NRXN1: variants seen among roughly 807,000 people sequenced by gnomAD.
NRXN1 encodes the protein neurexin 1.
A neutral mutation model predicts 150.9 loss-of-function variants in NRXN1; 39 were observed. The ratio of observed to expected loss-of-function variants is 0.26; its 90% CI spans 0.20 to 0.34. The LOEUF (loss-of-function observed/expected upper bound fraction) is 0.34. Among genes scored for constraint, NRXN1 ranks in the 10% least tolerant of loss-of-function variants. NRXN1 has a pLI of 1.00. For missense variants in NRXN1, 1,815 were observed against 1,949.9 expected (o/e 0.93, Z 1.30); for synonymous variants, 924 against 757.0 (o/e 1.22, Z -3.62).
At chr2:50,600,815 T>G (rs558363591) in intron 8 of NRXN1, among the ~76,000 whole-genome samples, 4 of 152,334 alleles carry the variant, frequency 2.6e-5, no homozygotes, top group African/African-American at 9.6e-5. Flanking sequence ...ATTTGAGATA[T>G]GCTGGTAGAA....
intron 5 of NRXN1, among the ~76,000 whole-genome samples, chr2:50,658,530 C>T (rs1686836355): frequency 6.6e-6 from 1 of 151,410 alleles, no homozygotes; most frequent in African/African-American, 2.4e-5. Context: ...GTCACTTTTG[C>T]ACTCCACTTC....
At chr2:50,787,362 C>T (rs1047028646) in intron 5 of NRXN1, among the ~76,000 whole-genome samples, 3 of 151,914 alleles carry the variant, frequency 2.0e-5, no homozygotes, top group Non-Finnish European at 2.9e-5. Context: ...GAGTTCGAGA[C>T]CAGCCTTGAC....
chr2:50,552,531 C>A, intron 9 of NRXN1, 56 bp downstream of exon 9: 1 of 1,339,288 alleles, frequency 7.5e-7, no homozygotes, highest in Non-Finnish European at 1.1e-6. Context: ...TTAGGAATGG[C>A]ATGGGTGGGT....
At chr2:50,104,410 T>C (rs966405992) in intron 18 of NRXN1, among the ~76,000 whole-genome samples, 1 of 151,996 alleles carries the variant, frequency 6.6e-6, no homozygotes, top group Non-Finnish European at 1.5e-5. Context: ...AAGGTAAAAA[T>C]GCACTGAGAG....
chr2:50,452,904 G>T (rs546963621), intron 17 of NRXN1, among the ~76,000 whole-genome samples: 1 of 152,166 alleles, frequency 6.6e-6, no homozygotes. Context: ...ACACTGGAGG[G>T]AAAATTTTGC....
intron 17 of NRXN1, among the ~76,000 whole-genome samples, chr2:50,431,749 G>A (rs941633920): frequency 6.6e-6 from 1 of 152,168 alleles, no homozygotes; most frequent in African/African-American, 2.4e-5. Context: ...AACAGAGGCT[G>A]TATGATCTGC....
intron 21 of NRXN1, among the ~76,000 whole-genome samples, chr2:49,991,088 T>C (rs765782497): frequency 7.2e-5 from 11 of 152,084 alleles, no homozygotes; most frequent in Non-Finnish European, 1.3e-4. Flanking sequence ...TTCCTCAAAT[T>C]GATAAAGAAC....
At chr2:49,984,537 G>C (rs563989162) in intron 21 of NRXN1, among the ~76,000 whole-genome samples, 1 of 152,186 alleles carries the variant, frequency 6.6e-6, no homozygotes, top group Admixed American at 6.5e-5. Flanking sequence ...CCAGTGAAGG[G>C]GGGCTCCTTT....
chr2:49,921,153 C>T lies in NRXN1; in HGVS notation c.*791G>A, dbSNP rs1668128351. 6.6e-6 allele frequency: 1 copy of T among 152,584 alleles called. No individual in the cohort carries two copies. The highest frequency in any genetic ancestry group is 1.5e-5 in the Non-Finnish European group (1 of 68,034). 9.5% of individuals were successfully genotyped at this position (152,584 alleles called of 1,614,324 possible). A position where few individuals can be genotyped will look rare whatever the true frequency, so the allele number is the denominator to read the frequency against. On this transcript the variant is annotated 3_prime_UTR_variant, in exon 23 of 23. Transcript: ENST00000401669. ...TTCTATACAACAGGCTATAAAACGT[C>T]ACTTATCACAGTCCAGAAAGCACAC...
chr2:50,021,462 C>G (rs1687557058), intron 21 of NRXN1, among the ~76,000 whole-genome samples: 1 of 152,102 alleles, frequency 6.6e-6, no homozygotes, highest in African/African-American at 2.4e-5. Context: ...TTATCTTGGA[C>G]AAAGAGAATT....
At chr2:50,773,264 C>T (rs1319860110) in intron 5 of NRXN1, among the ~76,000 whole-genome samples, 1 of 152,266 alleles carries the variant, frequency 6.6e-6, no homozygotes, top group South Asian at 2.1e-4. Flanking sequence ...TATTCAACTC[C>T]TTCAACCTTT....
chr2:50,576,578 T>A lies in NRXN1; in HGVS notation c.1321-23553A>T, dbSNP rs566001319. ...GAAAAACATTTTTTTACTTGTAAAT[T>A]CAATAGCCTCTCTTTCATTAATTAC... On this transcript the variant is annotated intron_variant, in intron 8 of 22. Coordinates refer to ENST00000401669, the MANE Select transcript of NRXN1 (RefSeq NM_001330078.2). Among the ~76,000 whole-genome samples the A allele has an allele frequency of 6.6e-5, 10 of 152,260 alleles. No homozygotes were observed. The South Asian group carries it at 2.1e-3, about 32-fold the overall frequency.
At chr2:50,395,848 T>C (rs1456003392) in intron 17 of NRXN1, among the ~76,000 whole-genome samples, 3 of 152,192 alleles carry the variant, frequency 2.0e-5, no homozygotes, top group Admixed American at 6.5e-5. Context: ...GATGGCTACA[T>C]TGGTCATTTT....
chr2:50,006,856 A>C (rs991469118), intron 21 of NRXN1, among the ~76,000 whole-genome samples: 2 of 152,156 alleles, frequency 1.3e-5, no homozygotes, highest in Non-Finnish European at 2.9e-5. Context: ...GGCCTTAAAC[A>C]GTGCAAACAC....
chr2:50,223,957 T>C (rs1282161940), intron 18 of NRXN1, among the ~76,000 whole-genome samples: 1 of 151,932 alleles, frequency 6.6e-6, no homozygotes, highest in Non-Finnish European at 1.5e-5. Flanking sequence ...ATTAGTTTAG[T>C]TCTACATTTA....
At chr2:50,320,181 G>A (rs1158835793) in intron 17 of NRXN1, among the ~76,000 whole-genome samples, 1 of 150,772 alleles carries the variant, frequency 6.6e-6, no homozygotes, top group African/African-American at 2.4e-5. Flanking sequence ...CAATTCTAAT[G>A]AGAAGGGTCT....
chr2:50,972,644 C>CT (rs1363426081), intron 2 of NRXN1, among the ~76,000 whole-genome samples: 1 of 152,028 alleles, frequency 6.6e-6, no homozygotes, highest in South Asian at 2.1e-4. Context: ...ACTAGATGGT[C>CT]TCATCTAGGG....
At chr2:50,460,373 G>C (rs2088044510) in intron 17 of NRXN1, among the ~76,000 whole-genome samples, 1 of 152,068 alleles carries the variant, frequency 6.6e-6, no homozygotes, top group Admixed American at 6.6e-5. Context: ...CAGACTAAAA[G>C]GCTGCTGAGA....
intron 21 of NRXN1, among the ~76,000 whole-genome samples, chr2:50,001,725 A>G (rs1198099128): frequency 1.3e-5 from 2 of 152,134 alleles, no homozygotes; most frequent in African/African-American, 4.8e-5. Context: ...ATTTACATAT[A>G]TATGTTTTAG....
Sources: gnomAD v4.1 joint callset for allele counts (sites outside exome capture counted in the v4.1 genomes callset) on GRCh38, gnomAD v4.1.1 for gene constraint, MANE v1.5 for transcripts, NCBI Gene and HGNC (gene_info 2026-07-23, HGNC 2026-07-21) for gene names.